The following PLEKHM2 variants were observed in gnomAD, a reference collection of about 807,000 sequenced individuals.
PLEKHM2 encodes pleckstrin homology domain-containing family M member 2.
Under a neutral mutation model 116.3 loss-of-function variants are expected in PLEKHM2, and 77 were observed. That is an observed-to-expected ratio of 0.66 (90% CI 0.55 to 0.80). PLEKHM2 has a LOEUF of 0.80. Ranked by LOEUF, PLEKHM2 falls within the 30% of genes least tolerant of loss-of-function variation. The pLI is 0.00. For missense variants in PLEKHM2, 1,183 were observed against 1,354.9 expected, an observed-to-expected ratio of 0.87 and a Z score of 1.99; for synonymous variants, 562 against 571.0, an observed-to-expected ratio of 0.98 and a Z score of 0.22.
At chr1:15,718,469 T>G in intron 4 of PLEKHM2, 69 bp from the exon 5 acceptor site, 2 of 895,274 alleles carry the variant, frequency 2.2e-6, no homozygotes, top group Non-Finnish European at 3.6e-6. Context: ...ACAGCTGGTA[T>G]GTTGGTAAGG....
Position 15,725,536 on chromosome 1 carries a change from A to T in PLEKHM2, c.932A>T (p.Glu311Val). ...LDPPDACTELEVIRVTKKKKI... is the reference protein window; with the variant it reads ...LDPPDACTELVVIRVTKKKKI... ...CCGCCGGATGCCTGCACGGAGCTCGAGGTCATCAGGTCAGCAGGGAGGGGC... is the reference window on the plus strand; with the variant it reads ...CCGCCGGATGCCTGCACGGAGCTCGTGGTCATCAGGTCAGCAGGGAGGGGC... The change falls in exon 8 of 20, where the codon GAG (glutamate) becomes GTG (valine). Residue 311 changes from glutamate (E) to valine (V), a missense_variant. Glu to Val is a moderately radical substitution (Grantham distance 121). This residue lies in a region of PLEKHM2 where 372 missense variants were observed against 357.2 expected (regional missense o/e 1.04). Coordinates refer to ENST00000375799, the MANE Select transcript of PLEKHM2 (RefSeq NM_015164.4). 1 of 1,560,344 alleles carries T rather than the reference A, an allele frequency of 6.4e-7. No homozygotes were observed. Among genetic ancestry groups the T allele is most frequent in the South Asian group, 1.2e-5 (1 of 84,566 alleles).
chr1:15,689,159 A>G (rs1640836800), intron 1 of PLEKHM2, among the ~76,000 whole-genome samples: 1 of 151,586 alleles, frequency 6.6e-6, no homozygotes, highest in South Asian at 2.1e-4. Flanking sequence ...GAGGCAGGAG[A>G]ATCGCTTAAA....
At position 15,725,443 on chromosome 1, in the gene PLEKHM2, T is replaced by C. The variant is rs1367075387; in HGVS notation, c.839T>C (p.Val280Ala). 3 of 1,567,952 alleles carry C rather than the reference T, an allele frequency of 1.9e-6. No individual in the cohort carries two copies. Among genetic ancestry groups the C allele is most frequent in the Non-Finnish European group, 2.6e-6 (3 of 1,157,196 alleles). ...NPFNEEPAET[V>A]SSSDTTPVHT... ...TTCAACGAGGAGCCGGCAGAGACTGTGTCCTCCTCTGACACCACCCCCGTG... is the reference window on the plus strand; with the variant it reads ...TTCAACGAGGAGCCGGCAGAGACTGCGTCCTCCTCTGACACCACCCCCGTG... The change falls in exon 8 of 20, where the codon GTG (valine) becomes GCG (alanine). Residue 280 changes from valine (V) to alanine (A), a missense_variant. Around this residue, in one of 3 missense-constraint regions of PLEKHM2, gnomAD observed 372 missense variants for 357.2 expected, o/e 1.04. Transcript: ENST00000375799.
At position 15,721,108 on chromosome 1, in the gene PLEKHM2, G is replaced by C. The variant is rs963169844; in HGVS notation, c.653-221G>C. Reference sequence around the variant, plus strand: ...ATGTGGAAAGGGGTCACCCTGACAGGTCTTTCCAGCTGGTTGGAGGCTCCT... The same window carrying C: ...ATGTGGAAAGGGGTCACCCTGACAGCTCTTTCCAGCTGGTTGGAGGCTCCT... On this transcript the variant is annotated intron_variant, in intron 6 of 19. Transcript: ENST00000375799. The surrounding 1 kb of genome is among the most constrained non-coding windows in gnomAD (Gnocchi z 5.1). 13 of 519,470 alleles carry C rather than the reference G, an allele frequency of 2.5e-5. No individual in the cohort carries two copies. The highest frequency in any genetic ancestry group is 4.4e-5 in the Non-Finnish European group (13 of 294,866). 32.2% of individuals were successfully genotyped at this position (519,470 alleles called of 1,614,324 possible).
intron 16 of PLEKHM2, 107 bp downstream of exon 16, chr1:15,731,364 C>A (rs1164561061): frequency 2.3e-6 from 2 of 854,268 alleles, no homozygotes; most frequent in Non-Finnish European, 3.9e-6. Flanking sequence ...TCAACCCCAC[C>A]CCATCCAGCG....
In PLEKHM2 at chr1:15,719,997, G is replaced by T. The variant is rs190255101; in HGVS notation, c.652+77G>T. On this transcript the variant is annotated intron_variant, in intron 6 of 19. Transcript: ENST00000375799. The surrounding 1 kb of genome is among the most constrained non-coding windows in gnomAD (Gnocchi z 4.1). ...AACTGCTTAAGCCTGGCTGGGTGAT[G>T]TCTTCCTTGGCTAGTTTTGGTCTGG... 8.3e-5 allele frequency: 103 copies of T among 1,243,300 alleles called. No individual in the cohort carries two copies. In the African/African-American group the frequency reaches 1.2e-3, roughly 15 times the overall value. 77.0% of individuals were successfully genotyped at this position (1,243,300 alleles called of 1,614,324 possible). A position where few individuals can be genotyped will look rare whatever the true frequency, so the allele number is the denominator to read the frequency against.
At chr1:15,712,648 C>CTT (rs1366648962) in intron 1 of PLEKHM2, among the ~76,000 whole-genome samples, 72 of 136,698 alleles carry the variant, frequency 5.3e-4, no homozygotes, top group African/African-American at 1.5e-3. Context: ...TCTTATTTTC[C>CTT]TTTTTTTTTT....
Position 15,684,578 on chromosome 1 carries a change from AG to A in PLEKHM2, c.22del (p.Asp8ThrfsTer11). 7.7e-7 allele frequency: 1 copy of A among 1,305,964 alleles called. No individual in the cohort carries two copies. Among genetic ancestry groups the A allele is most frequent in the Non-Finnish European group, 9.9e-7 (1 of 1,013,138 alleles). 80.9% of individuals were successfully genotyped at this position (1,305,964 alleles called of 1,614,324 possible). On this transcript the variant is annotated frameshift_variant, in exon 1 of 20. Transcript: ENST00000375799. LOFTEE classifies it high-confidence loss of function. MEPGEV[K>X]DRILENISLS... ...AGCGCCATGGAGCCGGGGGAGGTGA[AG>A]GACCGGATCCTGGAGAACATCTCGC...
chr1:15,693,192 C>G (rs1325134483), intron 1 of PLEKHM2, among the ~76,000 whole-genome samples: 3 of 151,088 alleles, frequency 2.0e-5, no homozygotes, highest in South Asian at 2.1e-4. Context: ...AGGTGCCCAC[C>G]ACCACACCTG....
Position 15,731,186 on chromosome 1 carries a change from C to A in PLEKHM2, c.2400-6C>A. ...GCCTCACTCGCCCTGTGTTGTGCCCCTGCAGCAACGGGATCCTCTACCAGT... is the reference window on the plus strand; with the variant it reads ...GCCTCACTCGCCCTGTGTTGTGCCCATGCAGCAACGGGATCCTCTACCAGT... On this transcript the variant is annotated splice_polypyrimidine_tract_variant and splice_region_variant and intron_variant, in intron 15 of 19. Coordinates refer to ENST00000375799, the MANE Select transcript of PLEKHM2 (RefSeq NM_015164.4). 6.3e-7 allele frequency: 1 copy of A among 1,591,020 alleles called. No individual in the cohort carries two copies. Among genetic ancestry groups the A allele is most frequent in the East Asian group, 2.3e-5 (1 of 43,760 alleles).
intron 6 of PLEKHM2, chr1:15,720,278 G>T: frequency 1.1e-6 from 1 of 945,574 alleles, no homozygotes. Context: ...AGTGTTGCCT[G>T]TTCTGGGGAG....
At chr1:15,702,950 C>G (rs1464864454) in intron 1 of PLEKHM2, among the ~76,000 whole-genome samples, 1 of 151,722 alleles carries the variant, frequency 6.6e-6, no homozygotes, top group Non-Finnish European at 1.5e-5. Flanking sequence ...TGGTCTCAAA[C>G]TTCTGGCTTC....
In PLEKHM2 at chr1:15,725,362, C is replaced by T; in HGVS notation, c.758C>T (p.Ser253Phe). ...DTVSGPRSTA[S>F]DLTSSKASTR... ...GTCAGTGGTCCCCGCTCCACAGCCTCCGACCTGACCAGCAGCAAGGCCTCC... is the reference window on the plus strand; with the variant it reads ...GTCAGTGGTCCCCGCTCCACAGCCTTCGACCTGACCAGCAGCAAGGCCTCC... Residue 253 changes from serine to phenylalanine, a missense_variant, in exon 8 of 20, where the codon TCC becomes TTC. Transcript: ENST00000375799. 6.4e-7 allele frequency: 1 copy of T among 1,551,540 alleles called. No homozygotes were observed. Among genetic ancestry groups the T allele is most frequent in the Non-Finnish European group, 8.7e-7 (1 of 1,147,072 alleles).
chr1:15,728,617 G>T lies in PLEKHM2; in HGVS notation c.1922-52G>T, dbSNP rs1229164429. 6.7e-7 allele frequency: 1 copy of T among 1,483,370 alleles called. No homozygotes were observed. The allele number at this position is 1,483,370 out of a possible 1,614,324, so 91.9% of individuals were successfully genotyped here. On this transcript the variant is annotated intron_variant, in intron 11 of 19. Transcript: ENST00000375799. The surrounding 1 kb of genome is among the most constrained non-coding windows in gnomAD (Gnocchi z 5.9). ...CTGTGTCTAAGAAAATGGGGCAGGGGGAGGGAAAAGAGGCCTGTGGGGATA... is the reference window on the plus strand; with the variant it reads ...CTGTGTCTAAGAAAATGGGGCAGGGTGAGGGAAAAGAGGCCTGTGGGGATA...
At chr1:15,701,809 G>C (rs1263600253) in intron 1 of PLEKHM2, among the ~76,000 whole-genome samples, 2 of 151,756 alleles carry the variant, frequency 1.3e-5, no homozygotes, top group Non-Finnish European at 3.0e-5. Context: ...AAAGAAAAAA[G>C]ACCCCAGCCT....
chr1:15,718,157 C>G (rs1483097286), intron 4 of PLEKHM2, among the ~76,000 whole-genome samples, 165 bp downstream of exon 4: 1 of 152,246 alleles, frequency 6.6e-6, no homozygotes, highest in East Asian at 1.9e-4. Context: ...GCACCGGTGT[C>G]CCATCTGGGC....
Position 15,726,095 on chromosome 1 carries a change from G to A in PLEKHM2, c.941+550G>A, listed in dbSNP as rs567036995. Among the ~76,000 whole-genome samples, 38 of 152,314 alleles carry A rather than the reference G, an allele frequency of 2.5e-4. 1 individual carries two copies. The South Asian group carries it at 6.4e-3, about 26-fold the overall frequency. Reference sequence around the variant, plus strand: ...GAAGCAGGTGGCACAGGCAGCGACCGTGGCTGGTGTCTGGGGCCATGTCCA... The same window carrying A: ...GAAGCAGGTGGCACAGGCAGCGACCATGGCTGGTGTCTGGGGCCATGTCCA... On this transcript the variant is annotated intron_variant, in intron 8 of 19. Coordinates refer to ENST00000375799, the MANE Select transcript of PLEKHM2 (RefSeq NM_015164.4).
At chr1:15,714,555 G>A (rs1274308459) in intron 1 of PLEKHM2, among the ~76,000 whole-genome samples, 1 of 152,110 alleles carries the variant, frequency 6.6e-6, no homozygotes, top group African/African-American at 2.4e-5. Context: ...GCAGGACTGA[G>A]GTTTGTCCTG....
chr1:15,700,606 A>AC (rs1166119974), intron 1 of PLEKHM2, among the ~76,000 whole-genome samples: 1 of 152,128 alleles, frequency 6.6e-6, no homozygotes, highest in Non-Finnish European at 1.5e-5. Flanking sequence ...AACTCCCTTC[A>AC]CACACCCTTC....
Sources: allele counts gnomAD v4.1 joint callset (sites outside exome capture counted in the v4.1 genomes callset), GRCh38; gene constraint gnomAD v4.1.1; regional missense constraint gnomAD v4.1.1; non-coding constraint Gnocchi (gnomAD v3.1); transcripts MANE v1.5; gene names NCBI Gene and HGNC (gene_info 2026-07-23, HGNC 2026-07-21).